Variants in CMSS1 observed in about 807,000 individuals in gnomAD.
The protein encoded by CMSS1 is protein CMSS1.
In CMSS1, 33 loss-of-function variants were observed where a neutral mutation model predicts 43.5. The ratio of observed to expected loss-of-function variants is 0.76; its 90% CI spans 0.57 to 1.01. The LOEUF is 1.01. CMSS1 is among the 50% of genes least tolerant of loss of function. The pLI is 0.00. For synonymous variants in CMSS1, 115 were observed against 117.2 expected (o/e 0.98, Z 0.12); for missense variants, 313 against 326.4 (o/e 0.96, Z 0.32).
At chr3:99,859,670 G>T (rs541990473) in intron 1 of CMSS1, among the ~76,000 whole-genome samples, 25 of 152,168 alleles carry the variant, frequency 1.6e-4, no homozygotes, top group African/African-American at 5.5e-4. Context: ...TAACTGTGTT[G>T]CGTTGATAGT....
chr3:99,943,502 G>A (rs1707911403), intron 1 of CMSS1, among the ~76,000 whole-genome samples: 1 of 152,248 alleles, frequency 6.6e-6, no homozygotes, highest in African/African-American at 2.4e-5. Flanking sequence ...TCAGGAGTTT[G>A]AGACCAGCCT....
At chr3:99,995,647 A>T (rs1709656271) in intron 1 of CMSS1, among the ~76,000 whole-genome samples, 1 of 152,234 alleles carries the variant, frequency 6.6e-6, no homozygotes, top group South Asian at 2.1e-4. Context: ...CTGCCTGGGC[A>T]TCCAGGCGTT....
chr3:99,932,652 G>A (rs1416753308), intron 1 of CMSS1, among the ~76,000 whole-genome samples: 1 of 152,164 alleles, frequency 6.6e-6, no homozygotes, highest in Non-Finnish European at 1.5e-5. Flanking sequence ...CACTTTGGGA[G>A]GCCGAGGCAG....
At chr3:100,091,460 G>A (rs1235279378) in intron 1 of CMSS1, among the ~76,000 whole-genome samples, 1 of 152,190 alleles carries the variant, frequency 6.6e-6, no homozygotes, top group East Asian at 1.9e-4. Flanking sequence ...AAGAAATTAG[G>A]TAACAAGAGC....
chr3:99,907,498 C>T (rs1021375777), intron 1 of CMSS1, among the ~76,000 whole-genome samples: 7 of 152,112 alleles, frequency 4.6e-5, no homozygotes, highest in African/African-American at 1.7e-4. Flanking sequence ...CCACCCGCCT[C>T]GGCCTCCCAA....
chr3:100,107,872 A>G (rs541045429), intron 1 of CMSS1, among the ~76,000 whole-genome samples: 2 of 143,232 alleles, frequency 1.4e-5, no homozygotes, highest in Non-Finnish European at 3.1e-5. Flanking sequence ...AGAGAGCAAG[A>G]GAATTAAAAA....
chr3:99,908,414 A>G (rs1576564760), intron 1 of CMSS1, among the ~76,000 whole-genome samples: 1 of 152,222 alleles, frequency 6.6e-6, no homozygotes. Context: ...TTATGTTCCT[A>G]TCTGCAAGTT....
At chr3:99,862,627 G>C (rs1944318862) in intron 1 of CMSS1, among the ~76,000 whole-genome samples, 1 of 152,176 alleles carries the variant, frequency 6.6e-6, no homozygotes, top group South Asian at 2.1e-4. Flanking sequence ...GACAACTACT[G>C]AATGTCTCCA....
intron 1 of CMSS1, among the ~76,000 whole-genome samples, chr3:100,069,646 A>G (rs1272854098): frequency 6.6e-6 from 1 of 152,168 alleles, no homozygotes; most frequent in Non-Finnish European, 1.5e-5. Flanking sequence ...CTTTTCACAG[A>G]CATTAATAGT....
chr3:100,168,464 G>A (rs1321729392), intron 6 of CMSS1, among the ~76,000 whole-genome samples: 2 of 152,064 alleles, frequency 1.3e-5, no homozygotes, highest in Non-Finnish European at 2.9e-5. Flanking sequence ...GGAGGCTGAG[G>A]TGGGAGAACT....
At chr3:99,869,496 AAATTCCAC>A (rs1317517643) in intron 1 of CMSS1, among the ~76,000 whole-genome samples, 1 of 152,212 alleles carries the variant, frequency 6.6e-6, no homozygotes, top group African/African-American at 2.4e-5. Flanking sequence ...CATTTTCACA[AAATTCCAC>A]AGAGTAATTC....
intron 1 of CMSS1, among the ~76,000 whole-genome samples, chr3:100,137,188 A>C (rs1334016595): frequency 1.3e-5 from 2 of 152,242 alleles, no homozygotes; most frequent in Non-Finnish European, 2.9e-5. Flanking sequence ...GGATTGAGTA[A>C]TTTTAGCAAA....
intron 1 of CMSS1, among the ~76,000 whole-genome samples, chr3:100,139,944 C>G (rs1404815150): frequency 2.0e-5 from 3 of 152,070 alleles, no homozygotes; most frequent in African/African-American, 7.2e-5. Flanking sequence ...GTTCATATTA[C>G]TCTGCAAACC....
intron 1 of CMSS1, among the ~76,000 whole-genome samples, chr3:100,049,814 A>AAT (rs1444001790): frequency 6.6e-6 from 1 of 152,210 alleles, no homozygotes; most frequent in African/African-American, 2.4e-5. Context: ...TACTGTTTAT[A>AAT]ATATATATAC....
In CMSS1 at chr3:99,817,975, C is replaced by CTGAA. The variant is rs749456741; in HGVS notation, c.-4_-1dup. The CTGAA allele has an allele frequency of 1.9e-6, 3 of 1,613,884 alleles. No individual in the cohort carries two copies. In the African/African-American group the frequency reaches 4.0e-5, roughly 22 times the overall value. On this transcript the variant is annotated 5_prime_UTR_variant, in exon 1 of 10. It adds an upstream start codon to the 5' untranslated region. Coordinates refer to ENST00000421999, the MANE Select transcript of CMSS1 (RefSeq NM_032359.4). ...TGTTCTGCCCACGTCGAGACCTGAGCTGAAATGGCAGACGATCTCGGAGAC... is the reference window on the plus strand; with the variant it reads ...TGTTCTGCCCACGTCGAGACCTGAGCTGAATGAAATGGCAGACGATCTCGGAGAC...
chr3:99,924,305 T>A (rs894123580), intron 1 of CMSS1: 14 of 1,613,932 alleles, frequency 8.7e-6, no homozygotes, highest in Non-Finnish European at 1.1e-5. Context: ...TCTCTTTTCT[T>A]CCTCCAACTC....
intron 1 of CMSS1, among the ~76,000 whole-genome samples, chr3:100,037,956 T>TG (rs1313968492): frequency 0.01 from 889 of 87,816 alleles, 8 homozygotes; most frequent in African/African-American, 0.015. Flanking sequence ...TTTTTTTTTT[T>TG]GGGGGGGGAG....
chr3:100,063,196 C>T (rs1026676344), intron 1 of CMSS1, among the ~76,000 whole-genome samples: 10 of 152,156 alleles, frequency 6.6e-5, no homozygotes, highest in African/African-American at 2.4e-4. Context: ...TTAAAATCTG[C>T]TTACCCTAGA....
intron 1 of CMSS1, among the ~76,000 whole-genome samples, chr3:100,090,575 G>A (rs1185072591): frequency 6.6e-6 from 1 of 152,178 alleles, no homozygotes; most frequent in African/African-American, 2.4e-5. Flanking sequence ...CCCTGCCTGG[G>A]CTCTTTCTCT....
Sources: gnomAD v4.1 joint callset for allele counts (sites outside exome capture counted in the v4.1 genomes callset) on GRCh38, gnomAD v4.1.1 for gene constraint, MANE v1.5 for transcripts, NCBI Gene and HGNC (gene_info 2026-07-23, HGNC 2026-07-21) for gene names.